PRUNE2: variants seen among roughly 807,000 people sequenced by gnomAD.
PRUNE2 encodes prune homolog 2 with BCH domain.
Under a neutral mutation model 252.0 loss-of-function variants are expected in PRUNE2, and 164 were observed. The observed-to-expected ratio is 0.65, with a 90% CI of 0.57 to 0.74. PRUNE2 has a LOEUF of 0.74. PRUNE2 is among the 30% of genes least tolerant of loss of function. The pLI is 0.00. For missense variants in PRUNE2, 3,495 were observed against 3,711.0 expected (o/e 0.94, Z 1.51); for synonymous variants, 1,292 against 1,350.2 (o/e 0.96, Z 0.94).
chr9:76,711,717 C>T (rs1361715445), intron 7 of PRUNE2, among the ~76,000 whole-genome samples: 1 of 152,176 alleles, frequency 6.6e-6, no homozygotes, highest in Non-Finnish European at 1.5e-5. Flanking sequence ...TTGCTGACAA[C>T]TATAGGAAAA....
intron 1 of PRUNE2, among the ~76,000 whole-genome samples, chr9:76,880,124 A>G (rs1198872310): frequency 4.7e-4 from 72 of 151,798 alleles, no homozygotes; most frequent in Admixed American, 4.7e-3. Flanking sequence ...CGTGTTAGCC[A>G]GGATGGTCTC....
chr9:76,826,724 GA>G lies in PRUNE2; in HGVS notation c.516del (p.Leu173PhefsTer5). 2 of 1,605,184 alleles carry G rather than the reference GA, an allele frequency of 1.2e-6. No individual in the cohort carries two copies. Among genetic ancestry groups the G allele is most frequent in the Non-Finnish European group, 1.7e-6 (2 of 1,174,718 alleles). ...GATTCCATGGTCATCCACTTGAAAA[GA>G]ATGCTACCTGAAAGGTATGAATAAA... is the stretch of plus-strand genomic sequence containing the variant. ...EQLAHRLRGS[I>X]LFKWMTMESE... On this transcript the variant is annotated frameshift_variant, in exon 5 of 19. Transcript: ENST00000376718. LOFTEE classifies it high-confidence loss of function.
At chr9:76,761,052 C>T (rs2051670144) in intron 6 of PRUNE2, among the ~76,000 whole-genome samples, 1 of 148,994 alleles carries the variant, frequency 6.7e-6, no homozygotes, top group Non-Finnish European at 1.5e-5. Flanking sequence ...CACCACTGCA[C>T]TCCGGCCTGG....
At chr9:76,617,001 A>AAATAAAT (rs1480672736) in intron 18 of PRUNE2, among the ~76,000 whole-genome samples, 3 of 146,550 alleles carry the variant, frequency 2.0e-5, no homozygotes, top group African/African-American at 8.1e-5. Context: ...AATAAATAAA[A>AAATAAAT]GTATCCTTTT....
Position 76,707,638 on chromosome 9 carries a change from A to G in PRUNE2, c.4636T>C (p.Ser1546Pro). 1 of 1,613,928 alleles carries G rather than the reference A, an allele frequency of 6.2e-7. No individual in the cohort carries two copies. Among genetic ancestry groups the G allele is most frequent in the Non-Finnish European group, 8.5e-7 (1 of 1,179,858 alleles). The change falls in exon 8 of 19, where the codon TCA becomes CCA. Residue 1546 changes from serine to proline, a missense_variant. By Grantham distance (74) the Ser-to-Pro change is moderately conservative (BLOSUM62 -1). Transcript: ENST00000376718. Reference protein sequence around the residue: ...ISSEYTHSSASSPELNDSSVA... With the variant: ...ISSEYTHSSAPSPELNDSSVA... The stretch of plus-strand genomic sequence containing the variant: ...GAAGAGTCATTTAACTCAGGACTTG[A>G]TGCACTTGAATGAGTATACTCACTA...
At chr9:76,773,987 T>C (rs1460750474) in intron 6 of PRUNE2, among the ~76,000 whole-genome samples, 1 of 152,126 alleles carries the variant, frequency 6.6e-6, no homozygotes, top group Non-Finnish European at 1.5e-5. Flanking sequence ...TAGAAGACAG[T>C]AGATCTATTT....
rs1376840859 is a variant in PRUNE2, at chr9:76,800,207, C to T, written c.756+23425G>A. On this transcript the variant is annotated intron_variant, in intron 6 of 18. Transcript: ENST00000376718. The stretch of plus-strand genomic sequence containing the variant: ...TAATGCTATCCCTCCCCCATACCCC[C>T]ACCCCGCGACAGGCCCCCGTGTGTG... Among the ~76,000 whole-genome samples the T allele has an allele frequency of 2.0e-5, 3 of 152,242 alleles. 1 individual carries two copies. Among genetic ancestry groups the T allele is most frequent in the South Asian group, 4.1e-4 (2 of 4,828 alleles).
Position 76,711,139 on chromosome 9 carries a change from A to G in PRUNE2, c.1135T>C (p.Ser379Pro). ...TCCATAATCCCAGAAGACCCCTGGG[A>G]GAGGGGGGCACTGCCTGCCACGGCT... ...TEAVAGSAPL[S>P]QGSSGIMELY... Residue 379 changes from serine (S) to proline (P), a missense_variant, in exon 8 of 19, where the codon TCC (serine) becomes CCC (proline). Ser to Pro is a moderately conservative substitution (Grantham distance 74, BLOSUM62 -1). Coordinates refer to ENST00000376718, the MANE Select transcript of PRUNE2 (RefSeq NM_015225.3). 6.2e-7 allele frequency: 1 copy of G among 1,613,926 alleles called. No individual in the cohort carries two copies. Among genetic ancestry groups the G allele is most frequent in the Non-Finnish European group, 8.5e-7 (1 of 1,179,864 alleles).
In PRUNE2 at chr9:76,613,914, A is replaced by G. The variant is rs1828232548; in HGVS notation, c.*656T>C. The G allele has an allele frequency of 6.9e-6, 1 of 145,426 alleles. No homozygotes were observed. The highest frequency in any genetic ancestry group is 1.5e-5 in the Non-Finnish European group (1 of 67,558). The allele number at this position is 145,426 out of a possible 1,614,324, so 9.0% of individuals were successfully genotyped here. ...GGTGGTCACCAACATTCATCAGGAA[A>G]ATGATGTTAAAAGACCAATTTACAT... On this transcript the variant is annotated 3_prime_UTR_variant, in exon 19 of 19. Transcript: ENST00000376718.
intron 1 of PRUNE2, among the ~76,000 whole-genome samples, chr9:76,861,347 CCGGGT>C (rs1243105427): frequency 6.6e-6 from 1 of 152,304 alleles, no homozygotes; most frequent in African/African-American, 2.4e-5. Flanking sequence ...TTCTCTCCCT[CCGGGT>C]CTCAAATGTT....
chr9:76,679,286 A>G (rs1045186339), intron 9 of PRUNE2, among the ~76,000 whole-genome samples: 9 of 152,238 alleles, frequency 5.9e-5, no homozygotes, highest in African/African-American at 2.2e-4. Flanking sequence ...AAAATTAAAT[A>G]CAATAGTGGT....
At chr9:76,778,432 T>G (rs1210945473) in intron 6 of PRUNE2, 1 of 152,244 alleles carries the variant, frequency 6.6e-6, no homozygotes, top group Non-Finnish European at 1.5e-5. Context: ...AGGCACTGGA[T>G]GCCTGATGAT....
chr9:76,859,430 TC>T (rs1189389029), intron 1 of PRUNE2, among the ~76,000 whole-genome samples: 1 of 152,098 alleles, frequency 6.6e-6, no homozygotes, highest in African/African-American at 2.4e-5. Context: ...TCCTGGGCCC[TC>T]CTATAAGCCT....
intron 6 of PRUNE2, chr9:76,736,454 A>G (rs1310887502): frequency 6.6e-6 from 1 of 152,264 alleles, no homozygotes; most frequent in African/African-American, 2.4e-5. Context: ...TAAGCAAATA[A>G]CACAAACTGA....
chr9:76,802,747 T>C (rs1475588221), intron 6 of PRUNE2, among the ~76,000 whole-genome samples: 1 of 149,558 alleles, frequency 6.7e-6, no homozygotes, highest in East Asian at 2.0e-4. Flanking sequence ...TCATGCACTT[T>C]AAATTTGTCT....
intron 1 of PRUNE2, among the ~76,000 whole-genome samples, chr9:76,860,783 G>C (rs965266545): frequency 6.6e-6 from 1 of 152,160 alleles, no homozygotes; most frequent in South Asian, 2.1e-4. Context: ...GAAGAAACAA[G>C]AGAGAAATAA....
intron 6 of PRUNE2, among the ~76,000 whole-genome samples, chr9:76,724,570 CATCCCATCCT>C (rs1301126266): frequency 6.6e-6 from 1 of 152,042 alleles, no homozygotes; most frequent in Admixed American, 6.6e-5. Flanking sequence ...CATCTTTTTC[CATCCCATCCT>C]ATCTTCCATA....
Position 76,760,819 on chromosome 9 carries a change from C to T in PRUNE2, c.757-47098G>A, listed in dbSNP as rs115468565. Among the ~76,000 whole-genome samples, 586 of 152,246 alleles carry T rather than the reference C, an allele frequency of 3.8e-3. 4 individuals are homozygous for T. Among genetic ancestry groups the T allele is most frequent in the African/African-American group, 0.013 (551 of 41,528 alleles). On this transcript the variant is annotated intron_variant, in intron 6 of 18. Coordinates refer to ENST00000376718, the MANE Select transcript of PRUNE2 (RefSeq NM_015225.3). ...TACATGTCCAGACTCGGGCCGGGCG[C>T]GGTGACCTGTAATCCCAGCACTTTG...
At chr9:76,713,782 C>A (rs2046925562) in intron 6 of PRUNE2, 61 bp from the exon 7 acceptor site, 1 of 1,257,796 alleles carries the variant, frequency 8.0e-7, no homozygotes. Context: ...GGGAGTTGTT[C>A]CACAAATTTG....
Sources: allele counts gnomAD v4.1 joint callset (sites outside exome capture counted in the v4.1 genomes callset), GRCh38; gene constraint gnomAD v4.1.1; transcripts MANE v1.5; gene names NCBI Gene and HGNC (gene_info 2026-07-23, HGNC 2026-07-21).